Variants in TSGA10 observed in about 807,000 individuals in gnomAD.
TSGA10 encodes the protein testis specific 10, also known as testis-specific gene 10 protein.
In TSGA10, 43 loss-of-function variants were observed where a neutral mutation model predicts 96.6. That is an observed-to-expected ratio of 0.44 (90% CI 0.35 to 0.57). TSGA10 has a LOEUF of 0.57. Ranked by LOEUF, TSGA10 falls within the 20% of genes least tolerant of loss-of-function variation. The probability of loss-of-function intolerance (pLI) is 0.01; values close to 1 mark genes in which losing one functional copy is unlikely to be tolerated. For missense variants in TSGA10, 703 were observed against 834.4 expected (o/e 0.84, Z 1.94); for synonymous variants, 229 against 269.9 (o/e 0.85, Z 1.48).
intron 20 of TSGA10, among the ~76,000 whole-genome samples, 171 bp downstream of exon 20, chr2:99,018,029 T>C (rs2079682049): frequency 6.6e-6 from 1 of 152,144 alleles, no homozygotes; most frequent in Non-Finnish European, 1.5e-5. Flanking sequence ...ATAATATATA[T>C]AATTCTAATT....
chr2:99,086,440 A>G (rs937581801), intron 10 of TSGA10, among the ~76,000 whole-genome samples: 3 of 152,264 alleles, frequency 2.0e-5, no homozygotes, highest in Admixed American at 2.0e-4. Context: ...TTTGAAAACT[A>G]AAAATTAATC....
chr2:99,073,540 G>A (rs2086230227), intron 12 of TSGA10, among the ~76,000 whole-genome samples: 1 of 152,106 alleles, frequency 6.6e-6, no homozygotes, highest in African/African-American at 2.4e-5. Flanking sequence ...TTGATTAAGT[G>A]TATTATTTAT....
intron 1 of TSGA10, among the ~76,000 whole-genome samples, chr2:99,144,897 A>G (rs1052488133): frequency 1.3e-5 from 2 of 152,156 alleles, no homozygotes; most frequent in African/African-American, 4.8e-5. Context: ...ATGGGGTGAT[A>G]GGTCTGGGGT....
At chr2:99,045,854 A>G (rs2104289424) in intron 16 of TSGA10, among the ~76,000 whole-genome samples, 1 of 152,354 alleles carries the variant, frequency 6.6e-6, no homozygotes, top group Non-Finnish European at 1.5e-5. Flanking sequence ...GTGCAGAGAC[A>G]TACATAGGCT....
intron 17 of TSGA10, among the ~76,000 whole-genome samples, chr2:99,034,549 A>C (rs946035861): frequency 2.0e-5 from 3 of 152,088 alleles, no homozygotes; most frequent in Non-Finnish European, 4.4e-5. Context: ...ACTTCCTCCC[A>C]TGCATGCTAC....
chr2:99,142,195 C>A (rs1287704108), intron 1 of TSGA10: 1 of 152,226 alleles, frequency 6.6e-6, no homozygotes, highest in Non-Finnish European at 1.5e-5. Context: ...AAAAAGTCTT[C>A]TTAATTTTTC....
intron 16 of TSGA10, among the ~76,000 whole-genome samples, chr2:99,046,480 C>T (rs1033550100): frequency 5.9e-5 from 9 of 152,018 alleles, no homozygotes; most frequent in Admixed American, 1.3e-4. Context: ...CTACTGGGTA[C>T]ATAACGAAAT....
intron 10 of TSGA10, among the ~76,000 whole-genome samples, chr2:99,086,767 A>T (rs2088459295): frequency 6.6e-6 from 1 of 152,212 alleles, no homozygotes; most frequent in African/African-American, 2.4e-5. Context: ...AACACAAGGC[A>T]TTAAGATTAG....
At chr2:99,141,030 T>C (rs2093521967) in intron 1 of TSGA10, 2 of 1,213,102 alleles carry the variant, frequency 1.6e-6, no homozygotes, top group Non-Finnish European at 2.1e-6. Flanking sequence ...CTCAGAGACC[T>C]TCCAGTCCAG....
chr2:99,077,675 A>G (rs1574105560), intron 12 of TSGA10, among the ~76,000 whole-genome samples: 1 of 151,732 alleles, frequency 6.6e-6, no homozygotes, highest in Non-Finnish European at 1.5e-5. Context: ...GAGTCTCCTG[A>G]CTCAGCCTCC....
rs1461605430 is a variant in TSGA10, at chr2:99,140,882, CAG to C, written c.-620-13708_-620-13707del. On this transcript the variant is annotated intron_variant, in intron 1 of 20. Coordinates refer to ENST00000393483, the MANE Select transcript of TSGA10 (RefSeq NM_025244.4). ...GGCTCAAACCTAACCTCCCAAGAAA[CAG>C]GGGCAACTCGTGCTGCCGAGCTTCC... 7.2e-5 allele frequency among the ~76,000 whole-genome samples: 11 copies of C among 152,220 alleles called. No homozygotes were observed. In the East Asian group the frequency reaches 1.9e-3, roughly 27 times the overall value.
At position 99,002,138 on chromosome 2, in the gene TSGA10, C is replaced by G. The variant is rs193100932; in HGVS notation, c.2073-3917G>C. ...TCAAATTCAGGAAATACAGAGAACG[C>G]TACAAAGATACTCCTCGAGAAGAGC... On this transcript the variant is annotated intron_variant, in intron 20 of 20. Transcript: ENST00000393483. 4.1e-3 allele frequency among the ~76,000 whole-genome samples: 629 copies of G among 152,158 alleles called. 4 individuals are homozygous for G. Among genetic ancestry groups the G allele is most frequent in the Non-Finnish European group, 4.0e-3 (274 of 68,000 alleles).
chr2:99,053,168 T>A (rs1003891628), intron 16 of TSGA10, among the ~76,000 whole-genome samples: 10 of 152,080 alleles, frequency 6.6e-5, no homozygotes, highest in African/African-American at 2.4e-4. Flanking sequence ...TGAATTCTAC[T>A]AAGCATTTAA....
At chr2:99,005,638 A>T (rs2078397236) in intron 20 of TSGA10, among the ~76,000 whole-genome samples, 1 of 152,222 alleles carries the variant, frequency 6.6e-6, no homozygotes, top group Non-Finnish European at 1.5e-5. Flanking sequence ...CAATGAAATA[A>T]AAGAGGATAC....
intron 10 of TSGA10, chr2:99,102,046 A>C: frequency 1.4e-6 from 2 of 1,441,214 alleles, no homozygotes; most frequent in Non-Finnish European, 2.0e-6. Flanking sequence ...AGCCATGTTA[A>C]CAAAAAGGCT....
At chr2:99,017,203 AC>A (rs2079582467) in intron 20 of TSGA10, among the ~76,000 whole-genome samples, 1 of 152,222 alleles carries the variant, frequency 6.6e-6, no homozygotes, top group Non-Finnish European at 1.5e-5. Flanking sequence ...ATACTTGCAC[AC>A]GCATGTTTGT....
chr2:99,037,905 G>A (rs946705130), intron 16 of TSGA10, among the ~76,000 whole-genome samples: 1 of 151,826 alleles, frequency 6.6e-6, no homozygotes, highest in Non-Finnish European at 1.5e-5. Context: ...GATCTGTGAG[G>A]CAAAAGCATC....
intron 5 of TSGA10, among the ~76,000 whole-genome samples, chr2:99,110,105 T>C (rs149872719): frequency 7.9e-5 from 12 of 152,210 alleles, no homozygotes; most frequent in African/African-American, 2.6e-4. Context: ...GCGGAGGTTG[T>C]GGTGAGCCGA....
At chr2:99,138,809 A>G (rs1475809158) in intron 1 of TSGA10, among the ~76,000 whole-genome samples, 2 of 152,232 alleles carry the variant, frequency 1.3e-5, no homozygotes, top group African/African-American at 4.8e-5. Flanking sequence ...TTAAGACTCT[A>G]TAAGGTCCTT....
Sources: gnomAD v4.1 joint callset for allele counts (sites outside exome capture counted in the v4.1 genomes callset) on GRCh38, gnomAD v4.1.1 for gene constraint, MANE v1.5 for transcripts, NCBI Gene and HGNC (gene_info 2026-07-23, HGNC 2026-07-21) for gene names.